TGFBRAP1: variants seen among roughly 807,000 people sequenced by gnomAD.
TGFBRAP1 encodes the protein transforming growth factor beta receptor associated protein 1.
TGFBRAP1 carries 20 observed loss-of-function variants against 83.2 expected under a neutral mutation model. That is an observed-to-expected ratio of 0.24 (90% CI 0.17 to 0.35). The LOEUF (loss-of-function observed/expected upper bound fraction) is 0.35. TGFBRAP1 is among the 10% of genes least tolerant of loss of function. The pLI is 1.00. For synonymous variants in TGFBRAP1, 415 were observed against 459.8 expected, an observed-to-expected ratio of 0.90 and a Z score of 1.25; for missense variants, 950 against 1,099.4, an observed-to-expected ratio of 0.86 and a Z score of 1.92.
chr2:105,263,591 C>T (rs886661934), downstream of TGFBRAP1, among the ~76,000 whole-genome samples: 3 of 152,044 alleles, frequency 2.0e-5, no homozygotes, highest in African/African-American at 4.8e-5. Context: ...TCAGAATACT[C>T]GGGGGGCCAA....
At chr2:105,275,843 T>A in intron 7 of TGFBRAP1, 140 bp from the exon 8 acceptor site, 1 of 815,752 alleles carries the variant, frequency 1.2e-6, no homozygotes, top group Non-Finnish European at 1.7e-6. Context: ...GGAAAAACTG[T>A]AAATGCTTAA....
chr2:105,315,052 GAATT>G (rs1678812307), intron 1 of TGFBRAP1, among the ~76,000 whole-genome samples: 1 of 150,390 alleles, frequency 6.6e-6, no homozygotes, highest in Non-Finnish European at 1.5e-5. Context: ...AAAGCTATTA[GAATT>G]AATGACTTTA....
At position 105,322,900 on chromosome 2, in the gene TGFBRAP1, C is replaced by G. The variant is rs114079533; in HGVS notation, c.-18+6725G>C. 5.5e-3 allele frequency among the ~76,000 whole-genome samples: 830 copies of G among 152,276 alleles called. 7 individuals carry two copies. Among genetic ancestry groups the G allele is most frequent in the Admixed American group, 0.012 (184 of 15,294 alleles). ...TGACAAAAGTTGCCATAGATCCTAA[C>G]AGCCTTTGAGACGGATGGGGGGCAG... On this transcript the variant is annotated intron_variant, in intron 1 of 11. Coordinates refer to ENST00000393359, the MANE Select transcript of TGFBRAP1 (RefSeq NM_004257.6).
At position 105,265,599 on chromosome 2, in the gene TGFBRAP1, C is replaced by CATG. The variant is rs1235538582; in HGVS notation, c.*1783_*1784insCAT. 6.6e-6 allele frequency: 1 copy of CATG among 152,648 alleles called. No homozygotes were observed. Among genetic ancestry groups the CATG allele is most frequent in the Non-Finnish European group, 1.5e-5 (1 of 68,062 alleles). The allele number at this position is 152,648 out of a possible 1,614,324, so 9.5% of individuals were successfully genotyped here. A position where few individuals can be genotyped will look rare whatever the true frequency, so the allele number is the denominator to read the frequency against. On this transcript the variant is annotated 3_prime_UTR_variant, in exon 12 of 12. Coordinates refer to ENST00000393359, the MANE Select transcript of TGFBRAP1 (RefSeq NM_004257.6). Reference sequence around the variant, plus strand: ...TCTTTGAGAAATATAAACTCAAACTCACAAGTTGTCATGATAACATATGCA... The same window carrying CATG: ...TCTTTGAGAAATATAAACTCAAACTCATGACAAGTTGTCATGATAACATATGCA...
intron 2 of TGFBRAP1, among the ~76,000 whole-genome samples, chr2:105,299,844 G>A (rs1678222715): frequency 6.6e-6 from 1 of 152,132 alleles, no homozygotes; most frequent in African/African-American, 2.4e-5. Context: ...CAAAAGAGGA[G>A]TCCAGGACAA....
Position 105,307,808 on chromosome 2 carries a change from G to A in TGFBRAP1, c.494C>T (p.Ser165Leu), listed in dbSNP as rs144087619. The change falls in exon 2 of 12, where the codon TCG becomes TTG. Residue 165 changes from serine to leucine, a missense_variant. Transcript: ENST00000393359. ...EDRVQIVKEVSTAEQPLAVAV... is the reference protein window; with the variant it reads ...EDRVQIVKEVLTAEQPLAVAV... ...CACAGCGAGGGGCTGCTCGGCAGTC[G>A]ACACCTCCTTGACGATCTGCACCCG... The A allele has an allele frequency of 5.6e-5, 91 of 1,614,142 alleles. 1 individual carries two copies. The East Asian group carries it at 1.2e-3, about 21-fold the overall frequency.
In TGFBRAP1 at chr2:105,269,551, T is replaced by C. The variant is rs756255038; in HGVS notation, c.2127A>G (p.Pro709=). 30 of 1,611,248 alleles carry C rather than the reference T, an allele frequency of 1.9e-5. 1 individual carries two copies. The South Asian group carries it at 2.8e-4, about 15-fold the overall frequency. The change falls in exon 11 of 12, where the codon CCA becomes CCG. Residue 709 remains proline, a synonymous_variant. Coordinates refer to ENST00000393359, the MANE Select transcript of TGFBRAP1 (RefSeq NM_004257.6). This position sits in a 1 kb window ranked among gnomAD's most constrained non-coding sequence, Gnocchi z 4.1. ...TGTGAAAGAGTTGCTGGCGGTGGGGTGGGTCTCGGCCCTCGGAGCACCACA... is the reference window on the plus strand; with the variant it reads ...TGTGAAAGAGTTGCTGGCGGTGGGGCGGGTCTCGGCCCTCGGAGCACCACA... ...YCLWCSEGRD[P]PHRQQLFHTL...
chr2:105,256,385 C>T, the TGFBRAP1 span, among the ~76,000 whole-genome samples: 1 of 152,174 alleles, frequency 6.6e-6, no homozygotes, highest in Non-Finnish European at 1.5e-5. Flanking sequence ...GTTGGTCCTG[C>T]TGCTCCTTCT....
chr2:105,263,044 G>C (rs1676826981), downstream of TGFBRAP1, among the ~76,000 whole-genome samples: 1 of 152,190 alleles, frequency 6.6e-6, no homozygotes, highest in African/African-American at 2.4e-5. Context: ...CCATTTAACT[G>C]AGTCAGACAC....
chr2:105,259,831 C>T (rs1050065263), downstream of TGFBRAP1, among the ~76,000 whole-genome samples: 1 of 152,032 alleles, frequency 6.6e-6, no homozygotes, highest in Non-Finnish European at 1.5e-5. Flanking sequence ...TTGTGCCTTT[C>T]CTTGTTGGCA....
intron 9 of TGFBRAP1, 72 bp downstream of exon 9, chr2:105,273,472 T>C (rs895489265): frequency 1.1e-5 from 17 of 1,577,932 alleles, no homozygotes; most frequent in Admixed American, 3.5e-5. Context: ...CAGAATCACA[T>C]GCCAAAAAGT....
At position 105,269,589 on chromosome 2, in the gene TGFBRAP1, C is replaced by T. The variant is rs140106209; in HGVS notation, c.2089G>A (p.Glu697Lys). Residue 697 changes from glutamate to lysine, a missense_variant, in exon 11 of 12, where the codon GAG becomes AAG. Physicochemically the swap from Glu to Lys is moderately conservative, Grantham distance 56. Transcript: ENST00000393359. This position sits in a 1 kb window ranked among gnomAD's most constrained non-coding sequence, Gnocchi z 4.1. ...VHELQDFAAA[E>K]DYCLWCSEGR... Reference sequence around the variant, plus strand: ...TCGGAGCACCACAGGCAGTAGTCCTCGGCCGCTGCAAAGTCCTGCAGCTCG... The same window carrying T: ...TCGGAGCACCACAGGCAGTAGTCCTTGGCCGCTGCAAAGTCCTGCAGCTCG... 1.3e-4 allele frequency: 207 copies of T among 1,610,108 alleles called. 1 individual carries two copies. The highest frequency in any genetic ancestry group is 1.9e-4 in the South Asian group (17 of 90,716).
chr2:105,308,203 G>A lies in TGFBRAP1; in HGVS notation c.99C>T (p.Cys33=), dbSNP rs1242727103. Reference sequence around the variant, plus strand: ...TGGTGCCCACGTAGAGGTCCCTGCCGCAGCACTCCACGCACTCTATGTTGA... The same window carrying A: ...TGGTGCCCACGTAGAGGTCCCTGCCACAGCACTCCACGCACTCTATGTTGA... ...ERVNIECVEC[C]GRDLYVGTND... The change falls in exon 2 of 12, where the codon TGC becomes TGT. Residue 33 remains cysteine (C), a synonymous_variant. Coordinates refer to ENST00000393359, the MANE Select transcript of TGFBRAP1 (RefSeq NM_004257.6). 32 of 1,614,190 alleles carry A rather than the reference G, an allele frequency of 2.0e-5. No homozygotes were observed. Among genetic ancestry groups the A allele is most frequent in the Non-Finnish European group, 2.5e-5 (30 of 1,180,042 alleles).
At chr2:105,322,638 A>G (rs1198900292) in intron 1 of TGFBRAP1, among the ~76,000 whole-genome samples, 1 of 152,190 alleles carries the variant, frequency 6.6e-6, no homozygotes, top group Non-Finnish European at 1.5e-5. Context: ...TCAGGACAGT[A>G]GCATGCTGTA....
chr2:105,303,582 A>G (rs1032369186), intron 2 of TGFBRAP1, among the ~76,000 whole-genome samples: 22 of 152,240 alleles, frequency 1.4e-4, no homozygotes, highest in Non-Finnish European at 1.3e-4. Context: ...GTTTATAATG[A>G]TACTTTTCAG....
chr2:105,269,761 G>T lies in TGFBRAP1; in HGVS notation c.1973-56C>A, dbSNP rs1677086694. 3 of 1,441,736 alleles carry T rather than the reference G, an allele frequency of 2.1e-6. No individual in the cohort carries two copies. Among genetic ancestry groups the T allele is most frequent in the Non-Finnish European group, 2.7e-6 (3 of 1,099,428 alleles). 89.3% of individuals were successfully genotyped at this position (1,441,736 alleles called of 1,614,324 possible). A position where few individuals can be genotyped will look rare whatever the true frequency, so the allele number is the denominator to read the frequency against. On this transcript the variant is annotated intron_variant, in intron 10 of 11. Transcript: ENST00000393359. This position sits in a 1 kb window ranked among gnomAD's most constrained non-coding sequence, Gnocchi z 4.1. ...AAGGGGCTCGCCGGCCACCCGCCCAGCGACTGGCCTCCTTGCTGCTCTGGG... is the reference window on the plus strand; with the variant it reads ...AAGGGGCTCGCCGGCCACCCGCCCATCGACTGGCCTCCTTGCTGCTCTGGG...
intron 2 of TGFBRAP1, among the ~76,000 whole-genome samples, chr2:105,307,201 C>T (rs145289610): frequency 6.7e-4 from 102 of 152,312 alleles, no homozygotes; most frequent in African/African-American, 2.3e-3. Context: ...CTCTCAGCAT[C>T]CCACTCTGCC....
intron 1 of TGFBRAP1, among the ~76,000 whole-genome samples, chr2:105,323,118 T>G (rs1304986241): frequency 1.3e-5 from 2 of 152,204 alleles, no homozygotes; most frequent in African/African-American, 2.4e-5. Flanking sequence ...CCATGTTTTT[T>G]GAGGCTGGTC....
chr2:105,284,803 A>G (rs955421423), intron 4 of TGFBRAP1, among the ~76,000 whole-genome samples: 1 of 152,190 alleles, frequency 6.6e-6, no homozygotes, highest in African/African-American at 2.4e-5. Flanking sequence ...GACTCATTTC[A>G]TAATGAAACA....
Sources: gnomAD v4.1 joint callset for allele counts (sites outside exome capture counted in the v4.1 genomes callset) on GRCh38, gnomAD v4.1.1 for gene constraint, Gnocchi (gnomAD v3.1) non-coding constraint, MANE v1.5 for transcripts, NCBI Gene and HGNC (gene_info 2026-07-23, HGNC 2026-07-21) for gene names.